The following OTULINL variants were observed in gnomAD, a reference collection of about 807,000 sequenced individuals.
OTULINL encodes the protein OTU deubiquitinase with linear linkage specificity like.
OTULINL carries 42 observed loss-of-function variants against 43.9 expected under a neutral mutation model. The observed-to-expected ratio is 0.96, with a 90% CI of 0.75 to 1.24. The LOEUF (loss-of-function observed/expected upper bound fraction) is 1.24. OTULINL is among the 50% of genes most tolerant of loss of function. The pLI is 0.00. For missense variants in OTULINL, 411 were observed against 426.4 expected (o/e 0.96, Z 0.32); for synonymous variants, 172 against 153.6 (o/e 1.12, Z -0.88).
At chr5:14,590,000 T>C (rs1289523053) in intron 1 of OTULINL, among the ~76,000 whole-genome samples, 3 of 152,116 alleles carry the variant, frequency 2.0e-5, no homozygotes, top group African/African-American at 4.8e-5. Flanking sequence ...CTTCCAGCCA[T>C]AGAAAAACAA....
In OTULINL at chr5:14,608,823, C is replaced by T; in HGVS notation, c.703C>T (p.Leu235=). The change falls in exon 7 of 8, where the codon CTG becomes TTG. Residue 235 remains leucine (L), a synonymous_variant. Coordinates refer to ENST00000274217, the MANE Select transcript of OTULINL (RefSeq NM_019018.3). ...CAACACCCTTTTTTCAGATGCCATT[C>T]TGGAATATAAACTTTATGAAGCTTT... The part of the protein sequence containing the change: ...MCNTLFSDAI[L]EYKLYEALKF... The T allele has an allele frequency of 6.2e-7, 1 of 1,613,720 alleles. No homozygotes were observed. The highest frequency in any genetic ancestry group is 8.5e-7 in the Non-Finnish European group (1 of 1,179,666).
At position 14,581,817 on chromosome 5, in the gene OTULINL, C is replaced by T. The variant is rs915210883; in HGVS notation, c.-78C>T. The T allele has an allele frequency of 3.6e-5, 43 of 1,194,772 alleles. No individual in the cohort carries two copies. Among genetic ancestry groups the T allele is most frequent in the Non-Finnish European group, 4.6e-5 (43 of 940,116 alleles). The allele number at this position is 1,194,772 out of a possible 1,614,324, so 74.0% of individuals were successfully genotyped here. A position where few individuals can be genotyped will look rare whatever the true frequency, so the allele number is the denominator to read the frequency against. On this transcript the variant is annotated 5_prime_UTR_variant, in exon 1 of 8. Coordinates refer to ENST00000274217, the MANE Select transcript of OTULINL (RefSeq NM_019018.3). ...GCCTCAGGGAAGCGAGCCCGGGCGC[C>T]GGCGGGCGGCCGTCGCGTCTGACAG...
At chr5:14,584,406 A>G (rs917365356) in intron 1 of OTULINL, among the ~76,000 whole-genome samples, 4 of 152,196 alleles carry the variant, frequency 2.6e-5, no homozygotes, top group Non-Finnish European at 5.9e-5. Context: ...CTCCAGCTAT[A>G]CTTGGAGTTG....
rs1759563561 is a variant in OTULINL at position 14,610,455 on chromosome 5, A to G, written c.*141A>G. 5.1e-6 allele frequency: 4 copies of G among 780,994 alleles called. No homozygotes were observed. Among genetic ancestry groups the G allele is most frequent in the African/African-American group, 1.7e-5 (1 of 57,182 alleles). The allele number at this position is 780,994 out of a possible 1,614,324, so 48.4% of individuals were successfully genotyped here. A position where few individuals can be genotyped will look rare whatever the true frequency, so the allele number is the denominator to read the frequency against. Reference sequence around the variant, plus strand: ...TCAGGATTACAGGTACACTGGATGCAGCCATGCATGGATGGTTTTTCTTTA... The same window carrying G: ...TCAGGATTACAGGTACACTGGATGCGGCCATGCATGGATGGTTTTTCTTTA... On this transcript the variant is annotated 3_prime_UTR_variant, in exon 8 of 8. Transcript: ENST00000274217.
rs1384692053 is a variant in OTULINL at position 14,589,952 on chromosome 5, A to AT, written c.64+8002dup. On this transcript the variant is annotated intron_variant, in intron 1 of 7. Coordinates refer to ENST00000274217, the MANE Select transcript of OTULINL (RefSeq NM_019018.3). ...GTGAGAATCAATCTGAAAAAAAAAA[A>AT]TTTTTTTTCAGAAAAGTTCCTTTTT... Among the ~76,000 whole-genome samples, 8 of 151,836 alleles carry AT rather than the reference A, an allele frequency of 5.3e-5. No homozygotes were observed. The South Asian group carries it at 1.2e-3, about 24-fold the overall frequency.
intron 1 of OTULINL, among the ~76,000 whole-genome samples, chr5:14,594,578 G>A (rs765760326): frequency 2.8e-4 from 42 of 152,140 alleles, no homozygotes; most frequent in Non-Finnish European, 6.2e-4. Flanking sequence ...GCACTTCACT[G>A]CCTCCCTGCC....
At chr5:14,610,026 G>T (rs1481091746) in intron 7 of OTULINL, 115 bp from the exon 8 acceptor site, 10 of 831,392 alleles carry the variant, frequency 1.2e-5, no homozygotes, top group Non-Finnish European at 1.9e-5. Flanking sequence ...GTATGGGTGG[G>T]TCTGTCAACA....
chr5:14,589,891 C>T (rs564982435), intron 1 of OTULINL, among the ~76,000 whole-genome samples: 4 of 152,052 alleles, frequency 2.6e-5, no homozygotes, highest in South Asian at 2.1e-4. Flanking sequence ...GCAGAGGTTG[C>T]GGATCATGCC....
rs572102078 is a variant in OTULINL at position 14,609,733 on chromosome 5, C to G, written c.898-408C>G. ...GCAAGCTCCGCCTTCCGGGTTCACG[C>G]CATTCTCCTGCCTCAGCCTCCCGAG... On this transcript the variant is annotated intron_variant, in intron 7 of 7. Coordinates refer to ENST00000274217, the MANE Select transcript of OTULINL (RefSeq NM_019018.3). Among the ~76,000 whole-genome samples the G allele has an allele frequency of 4.7e-3, 717 of 151,556 alleles. 5 individuals carry two copies. Among genetic ancestry groups the G allele is most frequent in the Non-Finnish European group, 6.6e-3 (448 of 67,918 alleles).
At chr5:14,593,607 T>C (rs1482430901) in intron 1 of OTULINL, among the ~76,000 whole-genome samples, 1 of 152,192 alleles carries the variant, frequency 6.6e-6, no homozygotes, top group East Asian at 1.9e-4. Context: ...ATCTATAGCT[T>C]TTGTGGTTTT....
At chr5:14,606,234 C>T (rs1759473691) in intron 5 of OTULINL, among the ~76,000 whole-genome samples, 1 of 152,130 alleles carries the variant, frequency 6.6e-6, no homozygotes, top group African/African-American at 2.4e-5. Context: ...GGGAACGCTT[C>T]TTTTTAAAAC....
Position 14,608,970 on chromosome 5 carries a change from A to G in OTULINL, c.850A>G (p.Met284Val). Residue 284 changes from methionine to valine, a missense_variant, in exon 7 of 8, where the codon ATG becomes GTG. Physicochemically the swap from Met to Val is conservative, Grantham distance 21. Coordinates refer to ENST00000274217, the MANE Select transcript of OTULINL (RefSeq NM_019018.3). Reference sequence around the variant, plus strand: ...GACATCCTCTGATCCTTTGAGCTTCATGATGAATCACCTGAATTCTGTAGG... The same window carrying G: ...GACATCCTCTGATCCTTTGAGCTTCGTGATGAATCACCTGAATTCTGTAGG... ...RETSSDPLSF[M>V]MNHLNSVGDT... 6.2e-7 allele frequency: 1 copy of G among 1,614,084 alleles called. No individual in the cohort carries two copies. The highest frequency in any genetic ancestry group is 8.5e-7 in the Non-Finnish European group (1 of 1,179,994).
chr5:14,594,113 T>C (rs1204680467), intron 1 of OTULINL, among the ~76,000 whole-genome samples: 3 of 152,188 alleles, frequency 2.0e-5, no homozygotes, highest in African/African-American at 4.8e-5. Flanking sequence ...GTGTTTTTTT[T>C]CTGAATATCT....
chr5:14,589,467 G>C (rs1579916059), intron 1 of OTULINL, among the ~76,000 whole-genome samples: 1 of 152,246 alleles, frequency 6.6e-6, no homozygotes, highest in East Asian at 1.9e-4. Context: ...AGAGAAGAGG[G>C]AGGGGTCAGG....
At position 14,601,339 on chromosome 5, in the gene OTULINL, T is replaced by A. The variant is rs1262912151; in HGVS notation, c.257-12T>A. On this transcript the variant is annotated splice_polypyrimidine_tract_variant and intron_variant, in intron 3 of 7. Transcript: ENST00000274217. ...GGAGAATTAACAGCTTTTTATTTTT[T>A]ATTTGGTCCAGGGAACCTCAGTGTG... 2 of 1,613,424 alleles carry A rather than the reference T, an allele frequency of 1.2e-6. No individual in the cohort carries two copies. The highest frequency in any genetic ancestry group is 2.2e-5 in the South Asian group (2 of 90,924).
intron 7 of OTULINL, 100 bp downstream of exon 7, chr5:14,609,117 G>A (rs1759530510): frequency 4.2e-6 from 5 of 1,185,120 alleles, no homozygotes; most frequent in East Asian, 2.3e-5. Context: ...TGACATAAGC[G>A]ATTGCACAGA....
At position 14,613,261 on chromosome 5, in the gene OTULINL, C is replaced by T. The variant is rs1163591174; in HGVS notation, c.*2947C>T. Among the ~76,000 whole-genome samples the T allele has an allele frequency of 6.6e-6, 1 of 152,158 alleles. No homozygotes were observed. The highest frequency in any genetic ancestry group is 1.5e-5 in the Non-Finnish European group (1 of 68,030). ...GTGACAGTGACATTAAGCATATTCACATTGTTGTGCAACCCTCACCACCAT... is the reference window on the plus strand; with the variant it reads ...GTGACAGTGACATTAAGCATATTCATATTGTTGTGCAACCCTCACCACCAT... On this transcript the variant is annotated 3_prime_UTR_variant, in exon 8 of 8. Coordinates refer to ENST00000274217, the MANE Select transcript of OTULINL (RefSeq NM_019018.3).
intron 1 of OTULINL, among the ~76,000 whole-genome samples, chr5:14,585,722 G>T (rs537721341): frequency 1.3e-5 from 2 of 152,300 alleles, no homozygotes; most frequent in South Asian, 2.1e-4. Context: ...ACTCTGTGAC[G>T]CTCACAACGG....
At chr5:14,605,719 A>C (rs1239567297) in intron 5 of OTULINL, among the ~76,000 whole-genome samples, 1 of 152,148 alleles carries the variant, frequency 6.6e-6, no homozygotes, top group African/African-American at 2.4e-5. Flanking sequence ...AGAGTTCCGT[A>C]AATCTCTAGG....
Sources: gnomAD v4.1 joint callset for allele counts (sites outside exome capture counted in the v4.1 genomes callset) on GRCh38, gnomAD v4.1.1 for gene constraint, MANE v1.5 for transcripts, NCBI Gene and HGNC (gene_info 2026-07-23, HGNC 2026-07-21) for gene names.